The following RBFOX1 variants were observed in gnomAD, a reference collection of about 807,000 sequenced individuals.
RBFOX1 encodes RNA binding protein fox-1 homolog 1.
Under a neutral mutation model 57.7 loss-of-function variants are expected in RBFOX1, and 8 were observed. That is an observed-to-expected ratio of 0.14 (90% CI 0.08 to 0.25). The LOEUF (loss-of-function observed/expected upper bound fraction) is 0.25, where lower values mean the gene tolerates loss of function less well. RBFOX1 is among the 10% of genes least tolerant of loss of function. The pLI is 1.00. For missense variants in RBFOX1, 611 were observed against 548.5 expected (o/e 1.11, Z -1.14); for synonymous variants, 326 against 222.4 (o/e 1.47, Z -4.15).
chr16:6,992,877 T>A (rs2091723887), intron 3 of RBFOX1, among the ~76,000 whole-genome samples: 2 of 151,480 alleles, frequency 1.3e-5, no homozygotes, highest in Non-Finnish European at 2.9e-5. Context: ...TTCAATATAT[T>A]CAGTGCCCAC....
chr16:6,079,926 T>A (rs1015196887), intron 1 of RBFOX1, among the ~76,000 whole-genome samples: 1 of 152,236 alleles, frequency 6.6e-6, no homozygotes, highest in Non-Finnish European at 1.5e-5. Flanking sequence ...AGAATTAATT[T>A]AGAATGCTCA....
intron 2 of RBFOX1, among the ~76,000 whole-genome samples, chr16:6,546,351 C>T (rs1372531900): frequency 6.6e-6 from 1 of 152,212 alleles, no homozygotes; most frequent in African/African-American, 2.4e-5. Flanking sequence ...GTATCACAAA[C>T]TGGGTGGCTA....
At chr16:7,384,337 T>C (rs932566770) in intron 4 of RBFOX1, among the ~76,000 whole-genome samples, 2 of 152,134 alleles carry the variant, frequency 1.3e-5, no homozygotes, top group South Asian at 2.1e-4. Context: ...AAAATTTCAA[T>C]ATGAAAAACG....
intron 5 of RBFOX1, among the ~76,000 whole-genome samples, chr16:7,567,121 C>T (rs372671093): frequency 1.0e-5 from 1 of 99,414 alleles, no homozygotes; most frequent in African/African-American, 3.4e-5. Context: ...CCATATATAT[C>T]TCCCTATATA....
chr16:7,242,971 G>A (rs771506086), intron 4 of RBFOX1, among the ~76,000 whole-genome samples: 2 of 151,966 alleles, frequency 1.3e-5, no homozygotes, highest in African/African-American at 2.4e-5. Flanking sequence ...TCCTTCATTT[G>A]TTCTCTTCCT....
intron 4 of RBFOX1, among the ~76,000 whole-genome samples, chr16:7,124,830 A>G (rs944389404): frequency 1.1e-4 from 17 of 152,030 alleles, no homozygotes; most frequent in Admixed American, 3.9e-4. Flanking sequence ...TCCTGTTTCT[A>G]CTGTATGACT....
intron 1 of RBFOX1, among the ~76,000 whole-genome samples, chr16:5,356,055 C>T (rs150106847): frequency 6.6e-6 from 1 of 152,316 alleles, no homozygotes; most frequent in Non-Finnish European, 1.5e-5. Flanking sequence ...CACACCACTG[C>T]ACTCCACCCT....
At chr16:7,060,033 G>C (rs1009675257) in intron 4 of RBFOX1, among the ~76,000 whole-genome samples, 21 of 152,152 alleles carry the variant, frequency 1.4e-4, no homozygotes, top group Non-Finnish European at 2.6e-4. Context: ...AGATTCTGCA[G>C]TCAGATTCTT....
intron 3 of RBFOX1, among the ~76,000 whole-genome samples, chr16:5,654,444 T>C (rs2049355405): frequency 6.6e-6 from 1 of 152,122 alleles, no homozygotes; most frequent in Admixed American, 6.5e-5. Context: ...GTCCATACCA[T>C]TTCTTGTGGA....
At chr16:7,184,792 C>CTAGAAAG (rs1364240808) in intron 4 of RBFOX1, among the ~76,000 whole-genome samples, 2 of 152,122 alleles carry the variant, frequency 1.3e-5, no homozygotes, top group Non-Finnish European at 2.9e-5. Flanking sequence ...AATGTTTGTG[C>CTAGAAAG]CTCTATGTAT....
At chr16:5,792,525 G>A (rs866196933) in intron 3 of RBFOX1, among the ~76,000 whole-genome samples, 3 of 152,300 alleles carry the variant, frequency 2.0e-5, no homozygotes, top group African/African-American at 7.2e-5. Context: ...AGGTAAGGTA[G>A]AGAAAAGAAA....
At chr16:6,686,418 G>T (rs765423949) in intron 3 of RBFOX1, among the ~76,000 whole-genome samples, 1 of 152,190 alleles carries the variant, frequency 6.6e-6, no homozygotes, top group African/African-American at 2.4e-5. Flanking sequence ...CCTAAGAACT[G>T]CTATGCGCAG....
chr16:6,926,255 T>A (rs1236297308), intron 3 of RBFOX1, among the ~76,000 whole-genome samples: 2 of 152,054 alleles, frequency 1.3e-5, no homozygotes, highest in Non-Finnish European at 2.9e-5. Flanking sequence ...TGCAGTGAGC[T>A]GAGATCACAC....
chr16:6,746,524 A>G (rs1435177610), intron 3 of RBFOX1, among the ~76,000 whole-genome samples: 2 of 152,000 alleles, frequency 1.3e-5, no homozygotes, highest in Non-Finnish European at 2.9e-5. Context: ...AAAAAATACA[A>G]AAAATTGCCG....
chr16:6,906,723 T>A (rs1011037143), intron 3 of RBFOX1, among the ~76,000 whole-genome samples: 1 of 105,300 alleles, frequency 9.5e-6, no homozygotes, highest in African/African-American at 4.3e-5. Flanking sequence ...TTTGCAGAAC[T>A]ATTTTTTTTT....
chr16:6,903,681 C>T (rs1336265921), intron 3 of RBFOX1, among the ~76,000 whole-genome samples: 1 of 152,072 alleles, frequency 6.6e-6, no homozygotes, highest in Non-Finnish European at 1.5e-5. Context: ...AAAGAGATGC[C>T]TTTCAGAAAG....
At chr16:5,361,889 T>A (rs1381875510) in intron 1 of RBFOX1, among the ~76,000 whole-genome samples, 1 of 152,196 alleles carries the variant, frequency 6.6e-6, no homozygotes, top group African/African-American at 2.4e-5. Context: ...TCACAGGCAG[T>A]GACAAAAATC....
chr16:6,736,711 T>A (rs1465624258), intron 3 of RBFOX1, among the ~76,000 whole-genome samples: 1 of 152,176 alleles, frequency 6.6e-6, no homozygotes, highest in South Asian at 2.1e-4. Context: ...TAGTTCTACT[T>A]TTAGTTCCTT....
At chr16:6,835,567 C>T (rs745887930) in intron 3 of RBFOX1, among the ~76,000 whole-genome samples, 1 of 151,584 alleles carries the variant, frequency 6.6e-6, no homozygotes, top group African/African-American at 2.4e-5. Flanking sequence ...GCCTGGTCAA[C>T]ATGGTAAAAC....
Sources: gnomAD v4.1 joint callset for allele counts (sites outside exome capture counted in the v4.1 genomes callset) on GRCh38, gnomAD v4.1.1 for gene constraint, MANE v1.5 for transcripts, NCBI Gene and HGNC (gene_info 2026-07-23, HGNC 2026-07-21) for gene names.